Variants in VGLL3 observed in about 807,000 individuals in gnomAD.
VGLL3 encodes the protein vestigial like family member 3.
In VGLL3, 18 loss-of-function variants were observed where a neutral mutation model predicts 29.2. The observed-to-expected ratio is 0.62, with a 90% CI of 0.43 to 0.91. The LOEUF (loss-of-function observed/expected upper bound fraction) is 0.91, where lower values mean the gene tolerates loss of function less well. Among genes scored for constraint, VGLL3 ranks in the 40% least tolerant of loss-of-function variants. The probability of loss-of-function intolerance (pLI) is 0.00; values close to 1 mark genes in which losing one functional copy is unlikely to be tolerated. For missense variants in VGLL3, 440 were observed against 413.2 expected, an observed-to-expected ratio of 1.06 and a Z score of -0.56; for synonymous variants, 180 against 151.8, an observed-to-expected ratio of 1.19 and a Z score of -1.36.
intron 1 of VGLL3, among the ~76,000 whole-genome samples, chr3:86,983,831 CACAT>C (rs1382219937): frequency 1.9e-4 from 29 of 152,304 alleles, no homozygotes. Flanking sequence ...ACTGTCCTCT[CACAT>C]ACACATATTT....
intron 2 of VGLL3, among the ~76,000 whole-genome samples, chr3:86,976,274 G>A (rs1705207444): frequency 6.6e-6 from 1 of 152,110 alleles, no homozygotes. Flanking sequence ...TTTCCCCTAG[G>A]TAACCACATG....
intron 1 of VGLL3, among the ~76,000 whole-genome samples, chr3:86,987,160 C>T (rs1455002230): frequency 6.6e-6 from 1 of 151,998 alleles, no homozygotes; most frequent in African/African-American, 2.4e-5. Flanking sequence ...GCATTTCAGC[C>T]CTATAAAAAT....
At chr3:86,975,499 CCT>C (rs1705188604) in intron 2 of VGLL3, among the ~76,000 whole-genome samples, 1 of 151,866 alleles carries the variant, frequency 6.6e-6, no homozygotes, top group Non-Finnish European at 1.5e-5. Flanking sequence ...AATTTAACCC[CCT>C]TATTTTATAA....
chr3:86,976,535 A>C (rs762608335), intron 2 of VGLL3, among the ~76,000 whole-genome samples: 2 of 152,212 alleles, frequency 1.3e-5, no homozygotes, highest in Non-Finnish European at 2.9e-5. Flanking sequence ...TTGAAGATCA[A>C]ATTTAAGATA....
In VGLL3 at chr3:86,969,084, G is replaced by T; in HGVS notation, c.443C>A (p.Thr148Asn). ...CTGGTAAGAGCTGGTCCAAAAGGAAGTTGGGAAACTATTCCGCTGGCTTGA... is the reference window on the plus strand; with the variant it reads ...CTGGTAAGAGCTGGTCCAAAAGGAATTTGGGAAACTATTCCGCTGGCTTGA... ...ALSSQRNSFP[T>N]SFWTSSYQPP... The change falls in exon 3 of 4, where the codon ACT becomes AAT. Residue 148 changes from threonine (T) to asparagine (N), a missense_variant. By Grantham distance (65) the Thr-to-Asn change is moderately conservative (BLOSUM62 0). Coordinates refer to ENST00000398399, the MANE Select transcript of VGLL3 (RefSeq NM_016206.4). 6.2e-7 allele frequency: 1 copy of T among 1,609,264 alleles called. No individual in the cohort carries two copies. The highest frequency in any genetic ancestry group is 8.5e-7 in the Non-Finnish European group (1 of 1,176,602).
intron 3 of VGLL3, among the ~76,000 whole-genome samples, chr3:86,958,064 A>G (rs1359111631): frequency 6.6e-6 from 1 of 152,202 alleles, no homozygotes; most frequent in African/African-American, 2.4e-5. Context: ...AAAAAGACAT[A>G]TATGTGCTTT....
At chr3:86,966,808 T>C (rs1178678555) in intron 3 of VGLL3, among the ~76,000 whole-genome samples, 2 of 119,776 alleles carry the variant, frequency 1.7e-5, no homozygotes, top group Non-Finnish European at 3.5e-5. Context: ...TATATATATA[T>C]ATATATATAT....
intron 3 of VGLL3, among the ~76,000 whole-genome samples, chr3:86,948,922 T>C (rs1183445944): frequency 6.6e-6 from 1 of 152,216 alleles, no homozygotes; most frequent in East Asian, 1.9e-4. Context: ...TGACATAGTC[T>C]CTGTTGGGTA....
intron 3 of VGLL3, chr3:86,962,424 C>A (rs763085414): frequency 9.3e-5 from 92 of 985,234 alleles, no homozygotes; most frequent in Admixed American, 1.2e-4. Context: ...ACTGTCCTCA[C>A]CACCACTCAG....
chr3:86,953,012 C>T (rs1704647167), intron 3 of VGLL3, among the ~76,000 whole-genome samples: 1 of 152,054 alleles, frequency 6.6e-6, no homozygotes, highest in Non-Finnish European at 1.5e-5. Flanking sequence ...AGGGGTAGGA[C>T]CTTAACACTT....
In VGLL3 at chr3:86,941,476, TG is replaced by T. The variant is rs1211975835; in HGVS notation, c.*5547del. Reference sequence around the variant, plus strand: ...TTTTTTTTTTAAAAAAACAAATTGATGATTACTTATCCTTTTCTAAAAGGTG... The same window carrying T: ...TTTTTTTTTTAAAAAAACAAATTGATATTACTTATCCTTTTCTAAAAGGTG... On this transcript the variant is annotated 3_prime_UTR_variant, in exon 4 of 4. Transcript: ENST00000398399. 6.6e-6 allele frequency: 1 copy of T among 152,122 alleles called. No homozygotes were observed. Among genetic ancestry groups the T allele is most frequent in the African/African-American group, 2.4e-5 (1 of 41,394 alleles). 9.4% of individuals were successfully genotyped at this position (152,122 alleles called of 1,614,324 possible).
chr3:86,990,569 C>A, intron 1 of VGLL3, 49 bp downstream of exon 1: 1 of 1,314,178 alleles, frequency 7.6e-7, no homozygotes, highest in African/African-American at 1.5e-5. Context: ...CCGATACTCT[C>A]GATGCCCTTC....
In VGLL3 at chr3:86,978,432, C is replaced by G. The variant is rs963623864; in HGVS notation, c.403+94G>C. On this transcript the variant is annotated intron_variant, in intron 2 of 3. Transcript: ENST00000398399. ...TAAATATTAAAAAGCAAGTGGATAT[C>G]CATCCTCAGGGGCAAGTCTCCAGCT... is the stretch of plus-strand genomic sequence containing the variant. 3 of 1,372,110 alleles carry G rather than the reference C, an allele frequency of 2.2e-6. No homozygotes were observed. The East Asian group carries it at 6.9e-5, about 32-fold the overall frequency. The allele number at this position is 1,372,110 out of a possible 1,614,324, so 85.0% of individuals were successfully genotyped here. A position where few individuals can be genotyped will look rare whatever the true frequency, so the allele number is the denominator to read the frequency against.
At chr3:86,963,332 A>C (rs929520357) in intron 3 of VGLL3, among the ~76,000 whole-genome samples, 3 of 152,338 alleles carry the variant, frequency 2.0e-5, no homozygotes, top group Non-Finnish European at 2.9e-5. Context: ...GAAAAAAGAC[A>C]CAAAAAGCCA....
chr3:86,956,904 A>C (rs1704736157), intron 3 of VGLL3, among the ~76,000 whole-genome samples: 1 of 152,172 alleles, frequency 6.6e-6, no homozygotes, highest in African/African-American at 2.4e-5. Context: ...TCATAAAATT[A>C]ATGCTAAGAT....
intron 3 of VGLL3, among the ~76,000 whole-genome samples, chr3:86,953,814 A>AGCAT (rs1003996902): frequency 5.9e-5 from 9 of 152,138 alleles, no homozygotes; most frequent in African/African-American, 1.7e-4. Flanking sequence ...TAGGTATACT[A>AGCAT]GCATTTCTTC....
chr3:86,955,146 C>T (rs1323951464), intron 3 of VGLL3, among the ~76,000 whole-genome samples: 2 of 152,220 alleles, frequency 1.3e-5, no homozygotes, highest in Non-Finnish European at 2.9e-5. Context: ...ATAACACCAA[C>T]ATAGGAAACA....
chr3:86,959,597 T>C (rs1704796827), intron 3 of VGLL3, among the ~76,000 whole-genome samples: 1 of 152,180 alleles, frequency 6.6e-6, no homozygotes, highest in African/African-American at 2.4e-5. Flanking sequence ...CTCCATTTCA[T>C]TGTAAAGCCT....
intron 1 of VGLL3, chr3:86,990,281 T>G: frequency 3.1e-6 from 3 of 982,810 alleles, no homozygotes; most frequent in Non-Finnish European, 3.6e-6. Context: ...AATAGTTGGT[T>G]GAAAGGAAGT....
Sources: allele counts gnomAD v4.1 joint callset (sites outside exome capture counted in the v4.1 genomes callset), GRCh38; gene constraint gnomAD v4.1.1; transcripts MANE v1.5; gene names NCBI Gene and HGNC (gene_info 2026-07-23, HGNC 2026-07-21).